NFIX: variants seen among roughly 807,000 people sequenced by gnomAD.
NFIX encodes nuclear factor I X, also known as nuclear factor 1 X-type.
A neutral mutation model predicts 53.3 loss-of-function variants in NFIX; 2 were observed. The ratio of observed to expected loss-of-function variants is 0.04; its 90% CI spans 0.02 to 0.12. The LOEUF is 0.12. Among genes scored for constraint, NFIX ranks in the 10% least tolerant of loss-of-function variants. NFIX has a pLI of 1.00. For missense variants in NFIX, 310 were observed against 674.5 expected, an observed-to-expected ratio of 0.46 and a Z score of 5.99; for synonymous variants, 244 against 289.0, an observed-to-expected ratio of 0.84 and a Z score of 1.58.
chr19:13,078,748 G>A lies in NFIX; in HGVS notation c.1078+13G>A. On this transcript the variant is annotated intron_variant, in intron 7 of 10. Coordinates refer to ENST00000592199, the MANE Select transcript of NFIX (RefSeq NM_001365902.3). The surrounding 1 kb of genome is among the most constrained non-coding windows in gnomAD (Gnocchi z 4.7). ...GGAGTCAGACCAGGTGAGAAATGGG[G>A]GGCCCCGGAGGGGGGCAGTTGGGGA... 6.3e-7 allele frequency: 1 copy of A among 1,594,472 alleles called. No individual in the cohort carries two copies. Among genetic ancestry groups the A allele is most frequent in the East Asian group, 2.3e-5 (1 of 44,134 alleles).
rs1481134487 is a variant in NFIX at position 13,097,952 on chromosome 19, C to G, written c.*3303C>G. 6.5e-6 allele frequency: 1 copy of G among 154,106 alleles called. No homozygotes were observed. Among genetic ancestry groups the G allele is most frequent in the Non-Finnish European group, 1.4e-5 (1 of 69,646 alleles). 9.5% of individuals were successfully genotyped at this position (154,106 alleles called of 1,614,324 possible). A position where few individuals can be genotyped will look rare whatever the true frequency, so the allele number is the denominator to read the frequency against. On this transcript the variant is annotated 3_prime_UTR_variant, in exon 11 of 11. Transcript: ENST00000592199. ...AGGTCGATTTGCCCAGGCCCGCGCC[C>G]GCACGCACGCACGCACACGGCCCCG...
intron 2 of NFIX, among the ~76,000 whole-genome samples, chr19:13,053,917 C>CT (rs1417852160): frequency 2.0e-5 from 3 of 152,244 alleles, no homozygotes; most frequent in African/African-American, 7.2e-5. Flanking sequence ...GCCCCCACCT[C>CT]TACCATTCTG....
At position 13,073,167 on chromosome 19, in the gene NFIX, C is replaced by T. The variant is rs1305246858; in HGVS notation, c.622+58C>T. 6.4e-7 allele frequency: 1 copy of T among 1,550,706 alleles called. No homozygotes were observed. The highest frequency in any genetic ancestry group is 1.4e-5 in the African/African-American group (1 of 73,736). On this transcript the variant is annotated intron_variant, in intron 3 of 10. Coordinates refer to ENST00000592199, the MANE Select transcript of NFIX (RefSeq NM_001365902.3). This position sits in a 1 kb window ranked among gnomAD's most constrained non-coding sequence, Gnocchi z 4.5. ...TCCTTCATGCCCCTCCACTTCCTTC[C>T]CCCACCCTGGCTGCCCTGGCCACCC...
At chr19:13,003,723 T>A (rs759482948) in intron 1 of NFIX, among the ~76,000 whole-genome samples, 3 of 152,134 alleles carry the variant, frequency 2.0e-5, no homozygotes, top group Middle Eastern at 3.4e-3. Flanking sequence ...ACTGCAGCCC[T>A]GACCTCCCAA....
At chr19:13,004,253 A>AAT (rs2011888535) in intron 1 of NFIX, among the ~76,000 whole-genome samples, 2 of 152,134 alleles carry the variant, frequency 1.3e-5, no homozygotes, top group South Asian at 4.2e-4. Flanking sequence ...GATACACAGT[A>AAT]ACACACACAG....
intron 2 of NFIX, among the ~76,000 whole-genome samples, chr19:13,063,758 C>T (rs2145384455): frequency 6.6e-6 from 1 of 152,228 alleles, no homozygotes; most frequent in South Asian, 2.1e-4. Context: ...TTGTCCCAGG[C>T]GCATCCCTTG....
Position 13,089,625 on chromosome 19 carries a change from T to A in NFIX, c.1403-674T>A, listed in dbSNP as rs1302835807. On this transcript the variant is annotated intron_variant, in intron 9 of 10. Coordinates refer to ENST00000592199, the MANE Select transcript of NFIX (RefSeq NM_001365902.3). The surrounding 1 kb of genome is among the most constrained non-coding windows in gnomAD (Gnocchi z 4.8). ...CCTGGGCCCAAGCCAGGCAGCCAGC[T>A]CCTAGGCCCTTCTCTGACCCTGCCC... 6.6e-6 allele frequency among the ~76,000 whole-genome samples: 1 copy of A among 152,186 alleles called. No individual in the cohort carries two copies. The highest frequency in any genetic ancestry group is 1.5e-5 in the Non-Finnish European group (1 of 68,010).
At position 13,075,632 on chromosome 19, in the gene NFIX, A is replaced by G; in HGVS notation, c.916A>G (p.Ser306Gly). The change falls in exon 6 of 11, where the codon AGC becomes GGC. Residue 306 changes from serine to glycine, a missense_variant. This residue lies in a region of NFIX where 164 missense variants were observed against 284.4 expected (regional missense o/e 0.58). Transcript: ENST00000592199. Reference sequence around the variant, plus strand: ...GACAGGCCGTTCCCCAGCAGCTGGCAGCAGCCAGTCCAGCGGGTGGCCCAA... The same window carrying G: ...GACAGGCCGTTCCCCAGCAGCTGGCGGCAGCCAGTCCAGCGGGTGGCCCAA... Reference protein sequence around the residue: ...PGTGRSPAAGSSQSSGWPNDV... With the variant: ...PGTGRSPAAGGSQSSGWPNDV... The G allele has an allele frequency of 1.2e-6, 2 of 1,613,544 alleles. No individual in the cohort carries two copies. The highest frequency in any genetic ancestry group is 1.1e-5 in the South Asian group (1 of 90,994).
At chr19:13,039,845 A>G (rs1329913766) in intron 2 of NFIX, among the ~76,000 whole-genome samples, 1 of 152,144 alleles carries the variant, frequency 6.6e-6, no homozygotes, top group African/African-American at 2.4e-5. Context: ...CATTTTGAAT[A>G]TTGAATTACC....
At position 13,090,248 on chromosome 19, in the gene NFIX, T is replaced by G. The variant is rs1195485555; in HGVS notation, c.1403-51T>G. ...GCAGCCCCGAGGGGCAGTGCCCAGG[T>G]GGGCCCCAAGGCCTGACAGGGTCTC... On this transcript the variant is annotated intron_variant, in intron 9 of 10. Transcript: ENST00000592199. This position sits in a 1 kb window ranked among gnomAD's most constrained non-coding sequence, Gnocchi z 6.6. 5 of 1,562,192 alleles carry G rather than the reference T, an allele frequency of 3.2e-6. No individual in the cohort carries two copies. Among genetic ancestry groups the G allele is most frequent in the Non-Finnish European group, 4.4e-6 (5 of 1,133,106 alleles).
chr19:13,003,332 G>C (rs1266716647), intron 1 of NFIX, among the ~76,000 whole-genome samples: 1 of 152,152 alleles, frequency 6.6e-6, no homozygotes, highest in Non-Finnish European at 1.5e-5. Context: ...GTGCATGTGG[G>C]TGCAGACACA....
intron 2 of NFIX, among the ~76,000 whole-genome samples, chr19:13,035,556 A>T (rs2014126376): frequency 6.6e-6 from 1 of 152,150 alleles, no homozygotes; most frequent in Admixed American, 6.5e-5. Flanking sequence ...CGGAGACCAG[A>T]ACTGTTGTCT....
chr19:13,003,315 CAG>C (rs2011826481), intron 1 of NFIX, among the ~76,000 whole-genome samples: 1 of 152,202 alleles, frequency 6.6e-6, no homozygotes, highest in South Asian at 2.1e-4. Flanking sequence ...ATTACACACT[CAG>C]GGACGTGCAT....
In NFIX at chr19:13,068,660, C is replaced by G. The variant is rs2016578564; in HGVS notation, c.560-4387C>G. Reference sequence around the variant, plus strand: ...GTGGCCCCAGAACCTGGAGCCAAATCCCGTTTCAAAGGCTTCTTCAGCAGA... The same window carrying G: ...GTGGCCCCAGAACCTGGAGCCAAATGCCGTTTCAAAGGCTTCTTCAGCAGA... On this transcript the variant is annotated intron_variant, in intron 2 of 10. Transcript: ENST00000592199. This position sits in a 1 kb window ranked among gnomAD's most constrained non-coding sequence, Gnocchi z 4.2. 6.6e-6 allele frequency among the ~76,000 whole-genome samples: 1 copy of G among 152,236 alleles called. No homozygotes were observed. Among genetic ancestry groups the G allele is most frequent in the Non-Finnish European group, 1.5e-5 (1 of 68,032 alleles).
In NFIX at chr19:13,094,702, G is replaced by T; in HGVS notation, c.*53G>T. ...GAGAAGAAGAGGTTCCTCGAAAGGG[G>T]GGAGAAGAAATTTTGAGAATGGAAA... On this transcript the variant is annotated 3_prime_UTR_variant, in exon 11 of 11. Transcript: ENST00000592199. The surrounding 1 kb of genome is among the most constrained non-coding windows in gnomAD (Gnocchi z 4.3). 1 of 1,520,604 alleles carries T rather than the reference G, an allele frequency of 6.6e-7. No homozygotes were observed. Among genetic ancestry groups the T allele is most frequent in the South Asian group, 1.2e-5 (1 of 83,728 alleles). The allele number at this position is 1,520,604 out of a possible 1,614,324, so 94.2% of individuals were successfully genotyped here. A position where few individuals can be genotyped will look rare whatever the true frequency, so the allele number is the denominator to read the frequency against.
chr19:13,078,200 C>T lies in NFIX; in HGVS notation c.956-413C>T, dbSNP rs1355819275. 1.3e-5 allele frequency among the ~76,000 whole-genome samples: 2 copies of T among 152,172 alleles called. No individual in the cohort carries two copies. The highest frequency in any genetic ancestry group is 2.9e-5 in the Non-Finnish European group (2 of 68,016). On this transcript the variant is annotated intron_variant, in intron 6 of 10. Coordinates refer to ENST00000592199, the MANE Select transcript of NFIX (RefSeq NM_001365902.3). This position sits in a 1 kb window ranked among gnomAD's most constrained non-coding sequence, Gnocchi z 4.7. ...ACCATGGCATAGACCCCAGCCTGTC[C>T]CTCCCAAACTTACCCCTTCCCGGCT... is the stretch of plus-strand genomic sequence containing the variant.
intron 2 of NFIX, among the ~76,000 whole-genome samples, chr19:13,071,610 G>T (rs1221765804): frequency 1.3e-5 from 2 of 152,188 alleles, no homozygotes; most frequent in Admixed American, 6.5e-5. Context: ...GTATTAAAAA[G>T]AACTACTTTT....
rs2018376807 is a variant in NFIX at position 13,095,305 on chromosome 19, A to AG, written c.*658dup. The stretch of plus-strand genomic sequence containing the variant: ...CCCCACCCTTGGGCTAAAAGCCCCC[A>AG]GGCGGGCAGGGGGTGACCCCTGGAG... On this transcript the variant is annotated 3_prime_UTR_variant, in exon 11 of 11. Coordinates refer to ENST00000592199, the MANE Select transcript of NFIX (RefSeq NM_001365902.3). The AG allele has an allele frequency of 6.7e-6, 1 of 149,528 alleles. No individual in the cohort carries two copies. Among genetic ancestry groups the AG allele is most frequent in the Non-Finnish European group, 1.5e-5 (1 of 67,646 alleles). The allele number at this position is 149,528 out of a possible 1,614,324, so 9.3% of individuals were successfully genotyped here.
intron 1 of NFIX, among the ~76,000 whole-genome samples, chr19:13,020,295 G>A (rs1384610921): frequency 2.0e-5 from 3 of 152,198 alleles, no homozygotes; most frequent in Non-Finnish European, 4.4e-5. Flanking sequence ...GCTGATGGCC[G>A]CCACCAGTGG....
Sources: allele counts gnomAD v4.1 joint callset (sites outside exome capture counted in the v4.1 genomes callset), GRCh38; gene constraint gnomAD v4.1.1; regional missense constraint gnomAD v4.1.1; non-coding constraint Gnocchi (gnomAD v3.1); transcripts MANE v1.5; gene names NCBI Gene and HGNC (gene_info 2026-07-23, HGNC 2026-07-21).